CRLF3: variants seen among roughly 807,000 people sequenced by gnomAD.
The protein encoded by CRLF3 is cytokine receptor like factor 3.
CRLF3 carries 33 observed loss-of-function variants against 55.0 expected under a neutral mutation model. That is an observed-to-expected ratio of 0.60 (90% CI 0.46 to 0.80). The LOEUF (loss-of-function observed/expected upper bound fraction) is 0.80, where lower values mean the gene tolerates loss of function less well. Among genes scored for constraint, CRLF3 ranks in the 30% least tolerant of loss-of-function variants. The probability of loss-of-function intolerance (pLI) is 0.00; values close to 1 mark genes in which losing one functional copy is unlikely to be tolerated. For synonymous variants in CRLF3, 238 were observed against 196.8 expected (o/e 1.21, Z -1.75); for missense variants, 494 against 538.4 (o/e 0.92, Z 0.82).
intron 1 of CRLF3, among the ~76,000 whole-genome samples, chr17:30,806,905 G>C (rs1319305921): frequency 2.6e-5 from 4 of 152,032 alleles, no homozygotes; most frequent in Admixed American, 1.3e-4. Flanking sequence ...AAAATGCTGA[G>C]ATTACAGGAG....
chr17:30,795,250 G>A (rs962459880), intron 4 of CRLF3, among the ~76,000 whole-genome samples: 9 of 152,220 alleles, frequency 5.9e-5, no homozygotes, highest in South Asian at 4.1e-4. Context: ...GGAGGCCGAG[G>A]TGGGCAGATC....
At chr17:30,786,871 T>C (rs1314872840) in intron 6 of CRLF3, 1 of 152,348 alleles carries the variant, frequency 6.6e-6, no homozygotes, top group Non-Finnish European at 1.5e-5. Flanking sequence ...CGGCTAGTTT[T>C]GTATTTTTAG....
At chr17:30,798,834 G>A (rs911571147) in intron 2 of CRLF3, among the ~76,000 whole-genome samples, 34 of 150,438 alleles carry the variant, frequency 2.3e-4, no homozygotes, top group African/African-American at 7.1e-4. Context: ...GTGAGACTCT[G>A]TCTCAAAAAT....
Position 30,814,753 on chromosome 17 carries a change from G to C in CRLF3, c.129+9770C>G, listed in dbSNP as rs1597931102. On this transcript the variant is annotated intron_variant, in intron 1 of 7. Transcript: ENST00000324238. ...ATGGTGGCTCATGCCTGTAATCCCA[G>C]CACTTTGGGAGCTCGAGGCAGGTGG... Among the ~76,000 whole-genome samples the C allele has an allele frequency of 2.6e-5, 4 of 152,134 alleles. No individual in the cohort carries two copies. In the East Asian group the frequency reaches 7.8e-4, roughly 30 times the overall value.
chr17:30,796,149 G>A lies in CRLF3; in HGVS notation c.603+11C>T, dbSNP rs766683562. 3.8e-6 allele frequency: 6 copies of A among 1,570,920 alleles called. No homozygotes were observed. In the East Asian group the frequency reaches 6.8e-5, roughly 18 times the overall value. On this transcript the variant is annotated intron_variant, in intron 4 of 7. Transcript: ENST00000324238. ...ATGTGGAAGTCATTTCTAGAATTCT[G>A]AATTACATACCTTACACCATCGTAC...
chr17:30,804,863 T>A (rs1218535692), intron 1 of CRLF3, among the ~76,000 whole-genome samples: 1 of 152,156 alleles, frequency 6.6e-6, no homozygotes, highest in African/African-American at 2.4e-5. Context: ...ATGCCTCAAT[T>A]TTCTTATTTG....
chr17:30,807,149 G>A (rs1904432278), intron 1 of CRLF3, among the ~76,000 whole-genome samples: 1 of 151,974 alleles, frequency 6.6e-6, no homozygotes, highest in Non-Finnish European at 1.5e-5. Flanking sequence ...ACTCCGATAA[G>A]TTAAAGCAAA....
Position 30,784,298 on chromosome 17 carries a change from T to A in CRLF3, c.1218A>T (p.Ile406=). Residue 406 remains isoleucine, a synonymous_variant, in exon 8 of 8, where the codon ATA becomes ATT. Transcript: ENST00000324238. The part of the protein sequence containing the change: ...EGGHFKLRVT[I]SSNNREVVFD... ...AAACCACTTCTCTATTATTTGAACT[T>A]ATAGTTACTCGAAGCTTGAAGTGTC... is the stretch of plus-strand genomic sequence containing the variant. The A allele has an allele frequency of 6.2e-7, 1 of 1,614,114 alleles. No homozygotes were observed. Among genetic ancestry groups the A allele is most frequent in the South Asian group, 1.1e-5 (1 of 91,082 alleles).
intron 7 of CRLF3, 88 bp from the exon 8 acceptor site, chr17:30,784,531 T>A: frequency 8.5e-7 from 1 of 1,181,274 alleles, no homozygotes; most frequent in Non-Finnish European, 1.2e-6. Flanking sequence ...ACACAGCTCA[T>A]TTCCTAATTC....
rs1482959644 is a variant in CRLF3, at chr17:30,782,698, TTTTTA to T, written c.*1484_*1488del. The T allele has an allele frequency of 6.6e-6, 1 of 152,294 alleles. No individual in the cohort carries two copies. The highest frequency in any genetic ancestry group is 1.9e-4 in the East Asian group (1 of 5,190). 9.4% of individuals were successfully genotyped at this position (152,294 alleles called of 1,614,324 possible). A position where few individuals can be genotyped will look rare whatever the true frequency, so the allele number is the denominator to read the frequency against. On this transcript the variant is annotated 3_prime_UTR_variant, in exon 8 of 8. Coordinates refer to ENST00000324238, the MANE Select transcript of CRLF3 (RefSeq NM_015986.4). ...AGTACACACACTGAACTTTTTTAGT[TTTTTA>T]TTTTGATTCCTATGGCTGGACAAGG...
chr17:30,784,559 G>T (rs2142237151), intron 7 of CRLF3, 116 bp from the exon 8 acceptor site: 3 of 881,616 alleles, frequency 3.4e-6, no homozygotes, highest in East Asian at 5.0e-5. Flanking sequence ...AAAAAATCTG[G>T]AATGCCAACT....
At chr17:30,788,625 T>TTG (rs1971709368) in intron 6 of CRLF3, among the ~76,000 whole-genome samples, 2 of 124,844 alleles carry the variant, frequency 1.6e-5, no homozygotes, top group Admixed American at 7.8e-5. Context: ...TTTTTTTTTT[T>TTG]GAGACAGCAT....
intron 3 of CRLF3, among the ~76,000 whole-genome samples, chr17:30,796,624 ATTC>A (rs1396107468): frequency 6.6e-6 from 1 of 152,092 alleles, no homozygotes; most frequent in Non-Finnish European, 1.5e-5. Context: ...AAATTTAACA[ATTC>A]TTTTATATAT....
In CRLF3 at chr17:30,824,529, C is replaced by T; in HGVS notation, c.123G>A (p.Arg41=). 6.3e-7 allele frequency: 1 copy of T among 1,590,642 alleles called. No individual in the cohort carries two copies. Among genetic ancestry groups the T allele is most frequent in the Non-Finnish European group, 8.5e-7 (1 of 1,174,172 alleles). ...GTGGGTGTGGCCCTCCGACCTGCCT[C>T]CGCGCCTCACGCAGCCCCTCAAGCC... ...GHRLEGLREA[R]RQIKESASQT... Residue 41 remains arginine, a synonymous_variant, in exon 1 of 8, where the codon CGG becomes CGA. Coordinates refer to ENST00000324238, the MANE Select transcript of CRLF3 (RefSeq NM_015986.4).
chr17:30,792,637 C>G, intron 5 of CRLF3, 65 bp from the exon 6 acceptor site: 10 of 1,434,998 alleles, frequency 7.0e-6, no homozygotes, highest in Non-Finnish European at 9.6e-6. Flanking sequence ...AATACAGACA[C>G]GTTAAATAAA....
intron 6 of CRLF3, chr17:30,787,375 A>G (rs990886422): frequency 6.6e-6 from 1 of 152,222 alleles, no homozygotes; most frequent in Non-Finnish European, 1.5e-5. Flanking sequence ...TGAAGACACT[A>G]TTCAAGCATG....
At chr17:30,786,088 C>A in intron 6 of CRLF3, 57 bp from the exon 7 acceptor site, 1 of 930,734 alleles carries the variant, frequency 1.1e-6, no homozygotes, top group Non-Finnish European at 1.7e-6. Flanking sequence ...ATGAATGATA[C>A]TTAACAGCCA....
chr17:30,791,908 A>T (rs902503495), intron 6 of CRLF3, among the ~76,000 whole-genome samples: 1 of 149,740 alleles, frequency 6.7e-6, no homozygotes, highest in Non-Finnish European at 1.5e-5. Context: ...GTGCAATGGC[A>T]TGATCTCAGC....
chr17:30,820,079 A>C (rs1278461665), intron 1 of CRLF3, among the ~76,000 whole-genome samples: 1 of 152,254 alleles, frequency 6.6e-6, no homozygotes, highest in Non-Finnish European at 1.5e-5. Context: ...TGATTTCAAC[A>C]TCAGCTAGGC....
Sources: gnomAD v4.1 joint callset for allele counts (sites outside exome capture counted in the v4.1 genomes callset) on GRCh38, gnomAD v4.1.1 for gene constraint, MANE v1.5 for transcripts, NCBI Gene and HGNC (gene_info 2026-07-23, HGNC 2026-07-21) for gene names.